Variants in GAS7 observed in about 807,000 individuals in gnomAD.
GAS7 encodes the protein growth arrest specific 7.
A neutral mutation model predicts 71.1 loss-of-function variants in GAS7; 28 were observed. That is an observed-to-expected ratio of 0.39 (90% CI 0.29 to 0.54). GAS7 has a LOEUF of 0.54. Among genes scored for constraint, GAS7 ranks in the 20% least tolerant of loss-of-function variants. The pLI is 0.62. For synonymous variants in GAS7, 258 were observed against 245.8 expected, an observed-to-expected ratio of 1.05 and a Z score of -0.46; for missense variants, 436 against 627.8, an observed-to-expected ratio of 0.69 and a Z score of 3.27.
intron 2 of GAS7, among the ~76,000 whole-genome samples, chr17:9,984,741 G>A (rs762025317): frequency 1.3e-5 from 2 of 152,152 alleles, no homozygotes; most frequent in African/African-American, 2.4e-5. Flanking sequence ...CATTAATTGG[G>A]TTCACCTGTA....
At chr17:10,158,998 T>A (rs547213284) in intron 1 of GAS7, among the ~76,000 whole-genome samples, 1 of 144,346 alleles carries the variant, frequency 6.9e-6, no homozygotes, top group African/African-American at 2.6e-5. Flanking sequence ...AAGTGGAGGC[T>A]GCAGTGAGCC....
chr17:10,049,205 C>T (rs1221033608), intron 1 of GAS7, among the ~76,000 whole-genome samples: 1 of 152,174 alleles, frequency 6.6e-6, no homozygotes, highest in African/African-American at 2.4e-5. Flanking sequence ...ACCACAGTGG[C>T]CATTTTCTTC....
chr17:10,163,692 A>T lies in GAS7; in HGVS notation c.183+34516T>A, dbSNP rs74805981. 8.1e-3 allele frequency among the ~76,000 whole-genome samples: 1,229 copies of T among 152,094 alleles called. 15 individuals are homozygous for T. Among genetic ancestry groups the T allele is most frequent in the African/African-American group, 0.029 (1,183 of 41,504 alleles). ...GAGTGCTGACAAGCTCTTGGTTCCA[A>T]TCCATCCTTGGCATTCCCATTCTCC... On this transcript the variant is annotated intron_variant, in intron 1 of 13. Transcript: ENST00000432992.
In GAS7 at chr17:10,027,534, G is replaced by C. The variant is rs1378737471; in HGVS notation, c.184-7637C>G. Among the ~76,000 whole-genome samples, 9 of 152,300 alleles carry C rather than the reference G, an allele frequency of 5.9e-5. No individual in the cohort carries two copies. The East Asian group carries it at 1.7e-3, about 29-fold the overall frequency. On this transcript the variant is annotated intron_variant, in intron 1 of 13. Coordinates refer to ENST00000432992, the MANE Select transcript of GAS7 (RefSeq NM_201433.2). ...GCCCATGAGGGCGCCTCCTTCAGTG[G>C]GATTGAGGCTCTTATCAAAGCAGCT...
intron 1 of GAS7, among the ~76,000 whole-genome samples, chr17:10,029,137 G>A (rs866753507): frequency 1.3e-4 from 20 of 152,312 alleles, no homozygotes; most frequent in Middle Eastern, 3.4e-3. Context: ...AATCATTTAC[G>A]TGGGAAGACC....
At chr17:9,993,477 C>A (rs1469278727) in intron 2 of GAS7, among the ~76,000 whole-genome samples, 2 of 152,184 alleles carry the variant, frequency 1.3e-5, no homozygotes, top group African/African-American at 4.8e-5. Context: ...CAAAATTCAA[C>A]AACCCTTCAT....
intron 1 of GAS7, among the ~76,000 whole-genome samples, chr17:10,140,277 C>G (rs916857643): frequency 6.6e-6 from 1 of 152,146 alleles, no homozygotes; most frequent in African/African-American, 2.4e-5. Flanking sequence ...GCTTGTGCAA[C>G]ATATGGAAAC....
At chr17:10,159,575 C>G (rs143540935) in intron 1 of GAS7, among the ~76,000 whole-genome samples, 1 of 152,236 alleles carries the variant, frequency 6.6e-6, no homozygotes, top group African/African-American at 2.4e-5. Flanking sequence ...AAAAGAATAA[C>G]TTCTCTATGC....
At chr17:10,011,944 C>T (rs1383830849) in intron 2 of GAS7, among the ~76,000 whole-genome samples, 4 of 144,518 alleles carry the variant, frequency 2.8e-5, no homozygotes, top group Non-Finnish European at 4.5e-5. Context: ...CATTGCACTC[C>T]AGCTTGGGCA....
intron 5 of GAS7, among the ~76,000 whole-genome samples, chr17:9,950,105 C>T (rs2068947073): frequency 6.6e-6 from 1 of 151,778 alleles, no homozygotes; most frequent in Admixed American, 6.6e-5. Context: ...CCCAAGTGAT[C>T]CACCCTCCTC....
intron 1 of GAS7, among the ~76,000 whole-genome samples, chr17:10,091,590 A>G (rs1460797297): frequency 3.3e-5 from 5 of 151,912 alleles, no homozygotes; most frequent in Admixed American, 1.3e-4. Flanking sequence ...GCTTCACTAT[A>G]TTGGCCAGGA....
chr17:9,985,578 C>A (rs1325590866), intron 2 of GAS7, among the ~76,000 whole-genome samples: 1 of 152,258 alleles, frequency 6.6e-6, no homozygotes, highest in African/African-American at 2.4e-5. Flanking sequence ...GCAAAGAGTT[C>A]TTCCCCAGAC....
chr17:10,180,278 T>C (rs1597838721), intron 1 of GAS7, among the ~76,000 whole-genome samples: 2 of 146,360 alleles, frequency 1.4e-5, no homozygotes, highest in Admixed American at 7.0e-5. Flanking sequence ...GAGGCGGAGG[T>C]TGCAGTGAGC....
Position 9,947,016 on chromosome 17 carries a change from G to T in GAS7, c.526-33C>A. 5 of 1,442,880 alleles carry T rather than the reference G, an allele frequency of 3.5e-6. 1 individual carries two copies. Among genetic ancestry groups the T allele is most frequent in the Non-Finnish European group, 4.9e-6 (5 of 1,025,064 alleles). The allele number at this position is 1,442,880 out of a possible 1,614,324, so 89.4% of individuals were successfully genotyped here. ...GCACAGAACAAGAAAGAATGACCCCGCTGGAGACTGGAATAGCGAGGAAGG... is the reference window on the plus strand; with the variant it reads ...GCACAGAACAAGAAAGAATGACCCCTCTGGAGACTGGAATAGCGAGGAAGG... On this transcript the variant is annotated intron_variant, in intron 5 of 13. Coordinates refer to ENST00000432992, the MANE Select transcript of GAS7 (RefSeq NM_201433.2).
chr17:10,059,771 C>G, intron 1 of GAS7: 1 of 984,676 alleles, frequency 1.0e-6, no homozygotes, highest in Non-Finnish European at 1.2e-6. Context: ...GCTGCTTCCC[C>G]GTGGCATCGG....
chr17:9,922,307 A>G (rs1365100410), intron 11 of GAS7, among the ~76,000 whole-genome samples: 1 of 152,220 alleles, frequency 6.6e-6, no homozygotes, highest in African/African-American at 2.4e-5. Flanking sequence ...AGAAGGAAAG[A>G]ACAGGTGGCA....
chr17:10,146,979 C>T (rs2074126728), intron 1 of GAS7, among the ~76,000 whole-genome samples: 1 of 109,522 alleles, frequency 9.1e-6, no homozygotes, highest in Admixed American at 9.2e-5. Flanking sequence ...CGATCTCTGT[C>T]TTCCTGTAGT....
At chr17:10,074,930 C>T (rs1041995484) in intron 1 of GAS7, among the ~76,000 whole-genome samples, 1 of 148,372 alleles carries the variant, frequency 6.7e-6, no homozygotes, top group African/African-American at 2.6e-5. Flanking sequence ...ACTTATTAAA[C>T]TCACCATATC....
At chr17:10,024,000 T>G (rs1467394392) in intron 1 of GAS7, among the ~76,000 whole-genome samples, 1 of 152,112 alleles carries the variant, frequency 6.6e-6, no homozygotes, top group Non-Finnish European at 1.5e-5. Context: ...GGCAGGTGCC[T>G]GTAATCCCAG....
Sources: gnomAD v4.1 joint callset for allele counts (sites outside exome capture counted in the v4.1 genomes callset) on GRCh38, gnomAD v4.1.1 for gene constraint, MANE v1.5 for transcripts, NCBI Gene and HGNC (gene_info 2026-07-23, HGNC 2026-07-21) for gene names.